STRN: variants seen among roughly 807,000 people sequenced by gnomAD.
STRN encodes protein phosphatase 2 regulatory subunit B'''alpha.
In STRN, 53 loss-of-function variants were observed where a neutral mutation model predicts 96.3. The observed-to-expected ratio is 0.55, with a 90% CI of 0.44 to 0.69. STRN has a LOEUF of 0.69. STRN is among the 30% of genes least tolerant of loss of function. STRN has a pLI of 0.00. For missense variants in STRN, 987 were observed against 963.9 expected, an observed-to-expected ratio of 1.02 and a Z score of -0.32; for synonymous variants, 428 against 355.9, an observed-to-expected ratio of 1.20 and a Z score of -2.28.
At chr2:36,871,009 A>G (rs1195909518) in intron 10 of STRN, among the ~76,000 whole-genome samples, 1 of 152,238 alleles carries the variant, frequency 6.6e-6, no homozygotes, top group Non-Finnish European at 1.5e-5. Context: ...TAAAAATAGG[A>G]AAAAGCTTAT....
chr2:36,849,683 C>T (rs1478645302), intron 17 of STRN, 31 bp downstream of exon 17: 11 of 1,613,288 alleles, frequency 6.8e-6, no homozygotes, highest in Non-Finnish European at 9.3e-6. Flanking sequence ...ATGGTAAGGA[C>T]AAATAAATAA....
At chr2:36,899,291 C>T (rs1370467542) in intron 6 of STRN, among the ~76,000 whole-genome samples, 3 of 152,190 alleles carry the variant, frequency 2.0e-5, no homozygotes, top group African/African-American at 7.2e-5. Context: ...AAAAGTTGTC[C>T]TGTTCAATGA....
chr2:36,863,574 C>T (rs1274015792), intron 12 of STRN, among the ~76,000 whole-genome samples: 1 of 152,200 alleles, frequency 6.6e-6, no homozygotes, highest in African/African-American at 2.4e-5. Context: ...GTTACTACAG[C>T]CCTGTAGTAT....
intron 1 of STRN, among the ~76,000 whole-genome samples, chr2:36,961,665 G>A (rs1031272388): frequency 2.6e-5 from 4 of 152,080 alleles, no homozygotes; most frequent in African/African-American, 9.7e-5. Flanking sequence ...TTCCCTCCAA[G>A]TCTGTTCTGA....
intron 11 of STRN, 89 bp downstream of exon 11, chr2:36,869,465 G>T (rs1668710084): frequency 8.4e-7 from 1 of 1,183,922 alleles, no homozygotes; most frequent in Non-Finnish European, 1.1e-6. Context: ...AAATGTTTGG[G>T]AAATTTAACA....
chr2:36,845,921 A>ACACACACACACACACACACGCATG lies in STRN; in HGVS notation c.*3534_*3535insCATGCGTGTGTGTGTGTGTGTGTG, dbSNP rs1558617242. ...CACACACACACGCATGCATGCACAC[A>ACACACACACACACACACACGCATG]CACACACACACACACACACACACAC... is the stretch of plus-strand genomic sequence containing the variant. On this transcript the variant is annotated 3_prime_UTR_variant, in exon 18 of 18. Transcript: ENST00000263918. The ACACACACACACACACACACGCATG allele has an allele frequency of 3.8e-5, 1 of 26,250 alleles. No homozygotes were observed. Among genetic ancestry groups the ACACACACACACACACACACGCATG allele is most frequent in the Admixed American group, 5.0e-4 (1 of 1,998 alleles). The allele number at this position is 26,250 out of a possible 1,614,324, so 1.6% of individuals were successfully genotyped here.
chr2:36,849,875 C>G (rs1437109786), intron 16 of STRN, 75 bp from the exon 17 acceptor site: 7 of 1,395,764 alleles, frequency 5.0e-6, no homozygotes, highest in Non-Finnish European at 7.1e-6. Flanking sequence ...CCATGTCCTG[C>G]TGGTTTCTCC....
chr2:36,952,602 T>C (rs1326002779), intron 1 of STRN, among the ~76,000 whole-genome samples: 1 of 152,244 alleles, frequency 6.6e-6, no homozygotes, highest in East Asian at 1.9e-4. Flanking sequence ...CATACAGTTT[T>C]ACAAGGATTA....
intron 6 of STRN, among the ~76,000 whole-genome samples, chr2:36,895,184 A>C (rs1572655494): frequency 6.6e-6 from 1 of 152,050 alleles, no homozygotes; most frequent in Non-Finnish European, 1.5e-5. Flanking sequence ...AAAATTAGCC[A>C]GGCATGGTGG....
At position 36,842,532 on chromosome 2, in the gene STRN, A is replaced by G. The variant is rs531355302; in HGVS notation, c.*6924T>C. On this transcript the variant is annotated 3_prime_UTR_variant, in exon 18 of 18. Coordinates refer to ENST00000263918, the MANE Select transcript of STRN (RefSeq NM_003162.4). ...CGTAAGGTGAATGGCTAAATCACCAAGGACAAGATACTTTTCTATGAAATA... is the reference window on the plus strand; with the variant it reads ...CGTAAGGTGAATGGCTAAATCACCAGGGACAAGATACTTTTCTATGAAATA... 7.2e-5 allele frequency: 11 copies of G among 152,330 alleles called. No individual in the cohort carries two copies. The South Asian group carries it at 2.3e-3, about 32-fold the overall frequency. 9.4% of individuals were successfully genotyped at this position (152,330 alleles called of 1,614,324 possible). A position where few individuals can be genotyped will look rare whatever the true frequency, so the allele number is the denominator to read the frequency against.
chr2:36,965,468 G>A (rs1040311884), intron 1 of STRN, among the ~76,000 whole-genome samples: 2 of 152,176 alleles, frequency 1.3e-5, no homozygotes, highest in Non-Finnish European at 2.9e-5. Flanking sequence ...AGTCCCTTTA[G>A]TTCCTTTTAA....
intron 5 of STRN, among the ~76,000 whole-genome samples, chr2:36,899,889 C>A (rs941186045): frequency 7.2e-5 from 11 of 152,084 alleles, no homozygotes; most frequent in Non-Finnish European, 1.6e-4. Context: ...TGCCTACCTA[C>A]CTACCTATCT....
At chr2:36,905,312 T>C (rs1669792839) in intron 4 of STRN, among the ~76,000 whole-genome samples, 1 of 152,202 alleles carries the variant, frequency 6.6e-6, no homozygotes, top group Non-Finnish European at 1.5e-5. Flanking sequence ...ACATAAAATA[T>C]GCAATGAAAA....
chr2:36,925,681 G>A (rs1436743860), intron 1 of STRN, among the ~76,000 whole-genome samples: 2 of 152,122 alleles, frequency 1.3e-5, no homozygotes, highest in African/African-American at 4.8e-5. Context: ...GCTTAGGCAG[G>A]AGAATTGCTT....
intron 13 of STRN, among the ~76,000 whole-genome samples, chr2:36,858,640 T>C (rs190228725): frequency 3.8e-4 from 58 of 152,286 alleles, no homozygotes; most frequent in African/African-American, 1.3e-3. Context: ...AAAAGTCAAA[T>C]TGGAAACCTT....
intron 2 of STRN, among the ~76,000 whole-genome samples, chr2:36,917,617 C>A (rs751124171): frequency 6.7e-6 from 1 of 150,058 alleles, no homozygotes; most frequent in Non-Finnish European, 1.5e-5. Flanking sequence ...ATACTGAAAT[C>A]TTTCTTATTT....
At chr2:36,921,737 T>C (rs1572676179) in intron 2 of STRN, among the ~76,000 whole-genome samples, 1 of 152,210 alleles carries the variant, frequency 6.6e-6, no homozygotes, top group East Asian at 1.9e-4. Flanking sequence ...TACTGTGTTA[T>C]CATTTCTCAT....
intron 10 of STRN, among the ~76,000 whole-genome samples, chr2:36,875,731 A>C (rs961489255): frequency 1.3e-5 from 2 of 149,060 alleles, no homozygotes; most frequent in African/African-American, 2.5e-5. Flanking sequence ...ATCTCGGCTC[A>C]CTGCAAACTC....
Position 36,848,979 on chromosome 2 carries a change from G to A in STRN, c.*477C>T, listed in dbSNP as rs1259240762. The stretch of plus-strand genomic sequence containing the variant: ...CTGCCTGGTCATTATACACAAAGGG[G>A]TTAATATGGCAGATATGATAAAGAT... On this transcript the variant is annotated 3_prime_UTR_variant, in exon 18 of 18. Coordinates refer to ENST00000263918, the MANE Select transcript of STRN (RefSeq NM_003162.4). 6.4e-6 allele frequency: 1 copy of A among 156,820 alleles called. No homozygotes were observed. Among genetic ancestry groups the A allele is most frequent in the African/African-American group, 2.4e-5 (1 of 41,450 alleles). The allele number at this position is 156,820 out of a possible 1,614,324, so 9.7% of individuals were successfully genotyped here.
Sources: gnomAD v4.1 joint callset for allele counts (sites outside exome capture counted in the v4.1 genomes callset) on GRCh38, gnomAD v4.1.1 for gene constraint, MANE v1.5 for transcripts, NCBI Gene and HGNC (gene_info 2026-07-23, HGNC 2026-07-21) for gene names.